Variants in OPCML observed in about 807,000 individuals in gnomAD.
OPCML encodes opioid binding protein/cell adhesion molecule like.
In OPCML, 13 loss-of-function variants were observed where a neutral mutation model predicts 37.8. That is an observed-to-expected ratio of 0.34 (90% CI 0.22 to 0.55). The LOEUF is 0.55. Among genes scored for constraint, OPCML ranks in the 20% least tolerant of loss-of-function variants. OPCML has a pLI of 0.91. For missense variants in OPCML, 341 were observed against 435.6 expected, an observed-to-expected ratio of 0.78 and a Z score of 1.93; for synonymous variants, 176 against 168.8, an observed-to-expected ratio of 1.04 and a Z score of -0.33.
intron 1 of OPCML, among the ~76,000 whole-genome samples, chr11:133,060,193 TC>T (rs1948315203): frequency 6.7e-6 from 1 of 150,072 alleles, no homozygotes; most frequent in African/African-American, 2.4e-5. Flanking sequence ...CCTCTCCTTC[TC>T]CCTCTCCCTC....
At chr11:132,790,404 G>T (rs1937819319) in intron 2 of OPCML, among the ~76,000 whole-genome samples, 1 of 152,222 alleles carries the variant, frequency 6.6e-6, no homozygotes, top group Admixed American at 6.5e-5. Flanking sequence ...TTAGGTGATA[G>T]AAATTTTAAA....
intron 2 of OPCML, among the ~76,000 whole-genome samples, chr11:132,829,446 C>T (rs745462521): frequency 2.6e-5 from 4 of 152,112 alleles, no homozygotes; most frequent in Non-Finnish European, 4.4e-5. Flanking sequence ...AAGATGGAAA[C>T]GCGGGCAAGG....
chr11:133,526,516 A>G (rs1948494930), intron 1 of OPCML, among the ~76,000 whole-genome samples: 1 of 152,122 alleles, frequency 6.6e-6, no homozygotes, highest in Non-Finnish European at 1.5e-5. Context: ...TGCTTAGAGG[A>G]AGGCAGTAGC....
intron 1 of OPCML, among the ~76,000 whole-genome samples, chr11:133,436,140 T>TA (rs201787859): frequency 0.017 from 2,599 of 150,940 alleles, 75 homozygotes; most frequent in African/African-American, 0.059. Context: ...TTCTCAAATT[T>TA]AAAAAAAAAT....
chr11:132,624,062 T>C (rs758866033), intron 3 of OPCML, among the ~76,000 whole-genome samples: 2 of 152,242 alleles, frequency 1.3e-5, no homozygotes, highest in Non-Finnish European at 2.9e-5. Flanking sequence ...CATCTAATGT[T>C]TTGGTGAGAT....
At chr11:133,363,322 A>C (rs1241008143) in intron 1 of OPCML, among the ~76,000 whole-genome samples, 1 of 152,176 alleles carries the variant, frequency 6.6e-6, no homozygotes, top group African/African-American at 2.4e-5. Flanking sequence ...TCGCCAAGGC[A>C]GCGCAGAGGG....
chr11:133,014,872 C>T (rs1379658129), intron 1 of OPCML, among the ~76,000 whole-genome samples: 1 of 152,160 alleles, frequency 6.6e-6, no homozygotes, highest in Non-Finnish European at 1.5e-5. Flanking sequence ...AGTATTGGTG[C>T]CGTATTTTCT....
intron 1 of OPCML, among the ~76,000 whole-genome samples, chr11:133,136,128 T>C (rs1949685682): frequency 6.6e-6 from 1 of 152,220 alleles, no homozygotes; most frequent in Non-Finnish European, 1.5e-5. Flanking sequence ...TGTTTGAGAC[T>C]GAGAGTAGGA....
chr11:132,958,886 A>T (rs571873676), intron 1 of OPCML, among the ~76,000 whole-genome samples: 1 of 152,346 alleles, frequency 6.6e-6, no homozygotes, highest in South Asian at 2.1e-4. Flanking sequence ...TCCAATGAAG[A>T]TATACAGAGA....
At position 132,696,565 on chromosome 11, in the gene OPCML, T is replaced by C. The variant is rs181014995; in HGVS notation, c.147-39246A>G. On this transcript the variant is annotated intron_variant, in intron 2 of 7. Coordinates refer to ENST00000524381, the MANE Select transcript of OPCML (RefSeq NM_001012393.5). ...TTGTCAGGGAAAAATAACAAGCCCATGGAATTAAAAATAATATTGTTGTAT... is the reference window on the plus strand; with the variant it reads ...TTGTCAGGGAAAAATAACAAGCCCACGGAATTAAAAATAATATTGTTGTAT... Among the ~76,000 whole-genome samples the C allele has an allele frequency of 3.3e-3, 503 of 152,180 alleles. 4 individuals carry two copies. Among genetic ancestry groups the C allele is most frequent in the South Asian group, 0.022 (104 of 4,824 alleles).
chr11:133,273,326 G>C (rs182699687), intron 1 of OPCML, among the ~76,000 whole-genome samples: 3 of 152,236 alleles, frequency 2.0e-5, no homozygotes, highest in Non-Finnish European at 4.4e-5. Context: ...CTGTGAGCCA[G>C]CAGGGTGCAC....
At chr11:133,202,981 C>T (rs1356271935) in intron 1 of OPCML, among the ~76,000 whole-genome samples, 3 of 152,180 alleles carry the variant, frequency 2.0e-5, no homozygotes, top group Non-Finnish European at 4.4e-5. Context: ...GGGCCGAGCA[C>T]GTGACCTGAA....
At chr11:132,721,586 G>C (rs1203907891) in intron 2 of OPCML, among the ~76,000 whole-genome samples, 2 of 152,246 alleles carry the variant, frequency 1.3e-5, no homozygotes, top group East Asian at 3.9e-4. Flanking sequence ...GAAGTGTTAC[G>C]ATTCAGCTGC....
intron 2 of OPCML, among the ~76,000 whole-genome samples, chr11:132,894,981 A>G (rs1488245964): frequency 6.6e-6 from 1 of 152,220 alleles, no homozygotes; most frequent in Non-Finnish European, 1.5e-5. Flanking sequence ...CTATATATCT[A>G]TAAATAGCTT....
intron 3 of OPCML, among the ~76,000 whole-genome samples, chr11:132,547,829 C>T (rs1724494484): frequency 6.6e-6 from 1 of 152,102 alleles, no homozygotes; most frequent in African/African-American, 2.4e-5. Flanking sequence ...TGAACACATG[C>T]ATTACTGGTG....
chr11:132,505,352 G>A (rs776364222), intron 4 of OPCML, among the ~76,000 whole-genome samples: 10 of 152,072 alleles, frequency 6.6e-5, no homozygotes, highest in Admixed American at 3.9e-4. Context: ...TCATGTGATC[G>A]AGCCGTACAC....
intron 3 of OPCML, among the ~76,000 whole-genome samples, chr11:132,641,931 A>G (rs1940874055): frequency 6.6e-6 from 1 of 152,168 alleles, no homozygotes; most frequent in South Asian, 2.1e-4. Context: ...AGGGTGTTTG[A>G]AAGGAGGTGA....
At chr11:132,492,299 G>A (rs534560991) in intron 4 of OPCML, among the ~76,000 whole-genome samples, 45 of 152,146 alleles carry the variant, frequency 3.0e-4, no homozygotes, top group African/African-American at 1.1e-3. Flanking sequence ...TAACAGTTAA[G>A]GGCCCTGCAA....
At chr11:132,698,826 G>T (rs1395448323) in intron 2 of OPCML, among the ~76,000 whole-genome samples, 1 of 151,706 alleles carries the variant, frequency 6.6e-6, no homozygotes, top group East Asian at 1.9e-4. Flanking sequence ...TTGGGTCCAA[G>T]TTCATTCTTC....
Sources: allele counts gnomAD v4.1 joint callset (sites outside exome capture counted in the v4.1 genomes callset), GRCh38; gene constraint gnomAD v4.1.1; transcripts MANE v1.5; gene names NCBI Gene and HGNC (gene_info 2026-07-23, HGNC 2026-07-21).